SUN1: variants seen among roughly 807,000 people sequenced by gnomAD.
SUN1 encodes Sad1 and UNC84 domain containing 1.
A neutral mutation model predicts 103.2 loss-of-function variants in SUN1; 61 were observed. That is an observed-to-expected ratio of 0.59 (90% confidence interval 0.48 to 0.73). SUN1 has a LOEUF of 0.73. Ranked by LOEUF, SUN1 falls within the 30% of genes least tolerant of loss-of-function variation. SUN1 has a pLI of 0.00. For synonymous variants in SUN1, 490 were observed against 425.7 expected (o/e 1.15, Z -1.86); for missense variants, 1,052 against 1,034.6 (o/e 1.02, Z -0.23).
intron 5 of SUN1, 51 bp downstream of exon 5, chr7:843,571 A>G (rs1296010066): frequency 1.2e-6 from 2 of 1,613,578 alleles, no homozygotes; most frequent in Non-Finnish European, 1.7e-6. Context: ...TCCAAATTTA[A>G]TATTTCCTTT....
At chr7:866,171 C>T (rs939226634) in intron 16 of SUN1, 104 bp downstream of exon 16, 32 of 959,888 alleles carry the variant, frequency 3.3e-5, no homozygotes, top group Middle Eastern at 2.9e-4. Flanking sequence ...AAGATGAACA[C>T]GTCTGTGGAA....
At position 869,436 on chromosome 7, in the gene SUN1, G is replaced by A. The variant is rs748866016; in HGVS notation, c.2068G>A (p.Ala690Thr). Residue 690 changes from alanine (A) to threonine (T), a missense_variant, in exon 17 of 19, where the codon GCC (alanine) becomes ACC (threonine). Physicochemically the swap from Ala to Thr is moderately conservative, Grantham distance 58 (BLOSUM62 0). Transcript: ENST00000401592. ...VRLSMMIHPA[A>T]FTLEHIPKTL... The stretch of plus-strand genomic sequence containing the variant: ...GCTCTCCATGATGATCCACCCAGCC[G>A]CCTTCACTCTGGAGCACATCCCTAA... The A allele has an allele frequency of 3.3e-5, 54 of 1,613,868 alleles. No individual in the cohort carries two copies. The highest frequency in any genetic ancestry group is 1.3e-4 in the Admixed American group (8 of 60,006).
chr7:838,833 C>G lies in SUN1; in HGVS notation c.113C>G (p.Thr38Arg). 2 of 1,565,556 alleles carry G rather than the reference C, an allele frequency of 1.3e-6. No homozygotes were observed. Among genetic ancestry groups the G allele is most frequent in the Non-Finnish European group, 1.7e-6 (2 of 1,153,948 alleles). Residue 38 changes from threonine (T) to arginine (R), a missense_variant, in exon 2 of 19, where the codon ACG (threonine) becomes AGG (arginine). By Grantham distance (71) the Thr-to-Arg change is moderately conservative (BLOSUM62 -1). Coordinates refer to ENST00000401592, the MANE Select transcript of SUN1 (RefSeq NM_001130965.3). ...TCTTCAGATGCTCTGGATTTTGAGA[C>G]GGAGCACAAATTGGACCCTGTATTT... ...SYSSDALDFE[T>R]EHKLDPVFDS...
chr7:848,372 T>A (rs762661413), intron 5 of SUN1: 1 of 1,328,082 alleles, frequency 7.5e-7, no homozygotes, highest in African/African-American at 1.5e-5. Context: ...GAAGTAGATA[T>A]TGGCTTTATG....
intron 16 of SUN1, among the ~76,000 whole-genome samples, chr7:868,260 C>CA (rs1357201607): frequency 2.0e-5 from 3 of 152,268 alleles, no homozygotes; most frequent in African/African-American, 7.2e-5. Context: ...TGCAACTTGT[C>CA]AGTCAGTCCC....
At chr7:852,165 A>G in intron 7 of SUN1, 122 bp downstream of exon 7, 3 of 911,402 alleles carry the variant, frequency 3.3e-6, no homozygotes, top group Non-Finnish European at 5.0e-6. Flanking sequence ...GTGTTTGTAT[A>G]TTTTACAAAA....
chr7:854,847 G>T (rs570368372), intron 10 of SUN1, 73 bp from the exon 11 acceptor site: 38 of 1,097,184 alleles, frequency 3.5e-5, no homozygotes, highest in Non-Finnish European at 5.3e-5. Context: ...GTGTAGAAAC[G>T]CCTTGGCCTG....
intron 1 of SUN1, chr7:817,241 T>G: frequency 1.6e-6 from 1 of 642,858 alleles, no homozygotes; most frequent in Non-Finnish European, 2.8e-6. Flanking sequence ...ATCACAGGCG[T>G]GAGCCACCGC....
At chr7:829,728 G>C (rs552894144), upstream of SUN1, among the ~76,000 whole-genome samples, 1 of 151,914 alleles carries the variant, frequency 6.6e-6, no homozygotes. Flanking sequence ...CTAACTTTTT[G>C]TATTTTTAGT....
upstream of SUN1, among the ~76,000 whole-genome samples, chr7:830,629 C>T (rs1797065727): frequency 6.6e-6 from 1 of 152,220 alleles, no homozygotes; most frequent in Non-Finnish European, 1.5e-5. Context: ...GACCTCTTTT[C>T]CCTACCATCC....
rs376696695 is a variant in SUN1 at position 860,222 on chromosome 7, A to T, written c.1619A>T (p.Gln540Leu). Reference sequence around the variant, plus strand: ...CAGCTGCTGCAGAGGTTCTCATCACAGTTTGTGAGCAAAGGCGACTTGCAG... The same window carrying T: ...CAGCTGCTGCAGAGGTTCTCATCACTGTTTGTGAGCAAAGGCGACTTGCAG... ...LEQLLQRFSS[Q>L]FVSKGDLQTM... Residue 540 changes from glutamine (Q) to leucine (L), a missense_variant, in exon 14 of 19, where the codon CAG (glutamine) becomes CTG (leucine). Transcript: ENST00000401592. The T allele has an allele frequency of 3.7e-6, 6 of 1,614,114 alleles. No homozygotes were observed. The African/African-American group carries it at 8.0e-5, about 22-fold the overall frequency.
intron 1 of SUN1, among the ~76,000 whole-genome samples, chr7:821,318 C>T (rs1439851481): frequency 6.6e-6 from 1 of 151,754 alleles, no homozygotes; most frequent in East Asian, 1.9e-4. Context: ...TACAGGTGCA[C>T]GCCACCACGC....
intron 17 of SUN1, among the ~76,000 whole-genome samples, chr7:871,851 AAGAT>A (rs1296382053): frequency 6.6e-6 from 1 of 152,180 alleles, no homozygotes; most frequent in East Asian, 1.9e-4. Context: ...ACTCGGATAA[AAGAT>A]AAGATAGAGC....
chr7:825,871 G>A lies in SUN1; in HGVS notation c.-74+9198G>A, dbSNP rs376329474. Among the ~76,000 whole-genome samples, 27 of 150,088 alleles carry A rather than the reference G, an allele frequency of 1.8e-4. No individual in the cohort carries two copies. The East Asian group carries it at 3.3e-3, about 18-fold the overall frequency. ...TTCAATAATATGAAGATCTAAGGACGATAATTATGTTAACATTTAGTACTG... is the reference window on the plus strand; with the variant it reads ...TTCAATAATATGAAGATCTAAGGACAATAATTATGTTAACATTTAGTACTG... On this transcript the variant is annotated intron_variant, in intron 1 of 17. Transcript: ENST00000389574.
intron 2 of SUN1, 43 bp from the exon 3 acceptor site, chr7:841,902 TG>T: frequency 6.3e-7 from 1 of 1,592,268 alleles, no homozygotes; most frequent in Non-Finnish European, 8.6e-7. Flanking sequence ...ATTTTGTATT[TG>T]CTAGAAAAGA....
chr7:816,466 G>T (rs976611233), upstream of SUN1: 4 of 63,816 alleles, frequency 6.3e-5, no homozygotes, highest in Non-Finnish European at 3.1e-5. Flanking sequence ...CCCTTCCCCC[G>T]CCTGGAGTCC....
At chr7:843,152 G>C in intron 3 of SUN1, 54 bp from the exon 4 acceptor site, 1 of 1,593,254 alleles carries the variant, frequency 6.3e-7, no homozygotes, top group Non-Finnish European at 8.5e-7. Context: ...GTTCTTATTT[G>C]ATAAGCTGAG....
At position 860,390 on chromosome 7, in the gene SUN1, G is replaced by T. The variant is rs763042320; in HGVS notation, c.1779+8G>T. The T allele has an allele frequency of 1.9e-6, 3 of 1,610,174 alleles. No individual in the cohort carries two copies. In the East Asian group the frequency reaches 6.7e-5, roughly 36 times the overall value. The stretch of plus-strand genomic sequence containing the variant: ...TCTGGAATAACAGAGGCGGTGAGTC[G>T]GCGAGTCGGCGGCAAGAGATGCTTA... On this transcript the variant is annotated splice_region_variant and intron_variant, in intron 14 of 18. Coordinates refer to ENST00000401592, the MANE Select transcript of SUN1 (RefSeq NM_001130965.3).
At chr7:870,801 G>A (rs1483710448) in intron 17 of SUN1, among the ~76,000 whole-genome samples, 1 of 152,034 alleles carries the variant, frequency 6.6e-6, no homozygotes, top group East Asian at 1.9e-4. Flanking sequence ...ACACTCACAG[G>A]TGGCGTCACG....
Sources: allele counts gnomAD v4.1 joint callset (sites outside exome capture counted in the v4.1 genomes callset), GRCh38; gene constraint gnomAD v4.1.1; transcripts MANE v1.5; gene names NCBI Gene and HGNC (gene_info 2026-07-23, HGNC 2026-07-21).